The following PCDH17 variants were observed in gnomAD, a reference collection of about 807,000 sequenced individuals.
PCDH17 encodes the protein protocadherin 17.
In PCDH17, 21 loss-of-function variants were observed where a neutral mutation model predicts 67.7. The observed-to-expected ratio is 0.31, with a 90% confidence interval of 0.22 to 0.45. The LOEUF (loss-of-function observed/expected upper bound fraction) is 0.45, where lower values mean the gene tolerates loss of function less well. Among genes scored for constraint, PCDH17 ranks in the 20% least tolerant of loss-of-function variants. The pLI is 1.00. For missense variants in PCDH17, 1,471 were observed against 1,564.8 expected (o/e 0.94, Z 1.01); for synonymous variants, 701 against 656.7 (o/e 1.07, Z -1.03).
intron 3 of PCDH17, among the ~76,000 whole-genome samples, chr13:57,716,860 C>T (rs1955821240): frequency 6.6e-6 from 1 of 151,834 alleles, no homozygotes; most frequent in African/African-American, 2.4e-5. Context: ...ACTTTCAATT[C>T]CTAGGCAAGG....
At chr13:57,646,923 C>T (rs1450265116) in intron 1 of PCDH17, among the ~76,000 whole-genome samples, 2 of 151,864 alleles carry the variant, frequency 1.3e-5, no homozygotes, top group Admixed American at 1.3e-4. Context: ...AGGGGGATGT[C>T]AAAATAAGTC....
intron 3 of PCDH17, among the ~76,000 whole-genome samples, chr13:57,719,707 A>G (rs774690652): frequency 2.0e-5 from 3 of 152,130 alleles, no homozygotes; most frequent in South Asian, 2.1e-4. Flanking sequence ...GCAAAACAGA[A>G]TAGAATAAAG....
intron 1 of PCDH17, among the ~76,000 whole-genome samples, chr13:57,648,279 C>A (rs1379661596): frequency 1.3e-5 from 2 of 151,758 alleles, no homozygotes; most frequent in Non-Finnish European, 2.9e-5. Flanking sequence ...AACCTATTAT[C>A]TTTTTAGAGC....
At chr13:57,664,077 T>A (rs967221830) in intron 1 of PCDH17, among the ~76,000 whole-genome samples, 7 of 152,050 alleles carry the variant, frequency 4.6e-5, no homozygotes, top group African/African-American at 1.7e-4. Context: ...ATTTTATTAC[T>A]ATTTTTATCA....
intron 3 of PCDH17, among the ~76,000 whole-genome samples, chr13:57,722,720 A>G (rs991263475): frequency 6.6e-6 from 1 of 152,164 alleles, no homozygotes; most frequent in Non-Finnish European, 1.5e-5. Flanking sequence ...GGCTCAAGCC[A>G]TCTTCCTTCC....
At chr13:57,645,650 G>GC (rs746293470) in intron 1 of PCDH17, among the ~76,000 whole-genome samples, 3 of 150,932 alleles carry the variant, frequency 2.0e-5, no homozygotes, top group Non-Finnish European at 4.4e-5. Flanking sequence ...ACAATTATGA[G>GC]CATCAAGCTC....
chr13:57,636,743 A>G (rs1471791374), intron 1 of PCDH17, among the ~76,000 whole-genome samples: 1 of 152,330 alleles, frequency 6.6e-6, no homozygotes, highest in African/African-American at 2.4e-5. Context: ...ATTAAAACAC[A>G]TATTTAAAGA....
chr13:57,632,867 G>C lies in PCDH17; in HGVS notation c.321G>C (p.Glu107Asp). 6.2e-7 allele frequency: 1 copy of C among 1,614,022 alleles called. No individual in the cohort carries two copies. Among genetic ancestry groups the C allele is most frequent in the Non-Finnish European group, 8.5e-7 (1 of 1,180,030 alleles). ...RHNAKCQLSL[E>D]VFANDKEICM... ...ATGCCAAGTGCCAGCTGTCCCTCGAGGTGTTCGCCAACGACAAGGAGATCT... is the reference window on the plus strand; with the variant it reads ...ATGCCAAGTGCCAGCTGTCCCTCGACGTGTTCGCCAACGACAAGGAGATCT... Residue 107 changes from glutamate (E) to aspartate (D), a missense_variant, in exon 1 of 4, where the codon GAG becomes GAC. Coordinates refer to ENST00000377918, the MANE Select transcript of PCDH17 (RefSeq NM_001040429.3).
At chr13:57,636,602 T>C (rs1954826444) in intron 1 of PCDH17, among the ~76,000 whole-genome samples, 1 of 152,160 alleles carries the variant, frequency 6.6e-6, no homozygotes, top group Non-Finnish European at 1.5e-5. Flanking sequence ...TCAGTAATCA[T>C]AATTTTTTAA....
At chr13:57,667,217 A>G (rs1955265939) in intron 3 of PCDH17, among the ~76,000 whole-genome samples, 1 of 152,162 alleles carries the variant, frequency 6.6e-6, no homozygotes, top group African/African-American at 2.4e-5. Context: ...TTTTAGATAA[A>G]ATGAAATCAT....
At chr13:57,653,599 G>A (rs1955067698) in intron 1 of PCDH17, among the ~76,000 whole-genome samples, 2 of 152,112 alleles carry the variant, frequency 1.3e-5, no homozygotes, top group African/African-American at 4.8e-5. Context: ...ACCTATAGAA[G>A]TGAGGTTAAA....
rs778754016 is a variant in PCDH17 at position 57,725,262 on chromosome 13, C to T, written c.3448C>T (p.Arg1150Trp). The stretch of plus-strand genomic sequence containing the variant: ...AATTGATAAGCTTTTGCAAGACTGC[C>T]GGGGAAACGACCCTGTGGCTGTGAG... ...REIDKLLQDC[R>W]GNDPVAVRK The change falls in exon 4 of 4, where the codon CGG (arginine) becomes TGG (tryptophan). Residue 1150 changes from arginine to tryptophan, a missense_variant. Around this residue, in one of 3 missense-constraint regions of PCDH17, gnomAD observed 297 missense variants for 298.6 expected, o/e 0.99. Transcript: ENST00000377918. 12 of 1,609,030 alleles carry T rather than the reference C, an allele frequency of 7.5e-6. No homozygotes were observed. Among genetic ancestry groups the T allele is most frequent in the African/African-American group, 1.4e-5 (1 of 73,976 alleles).
In PCDH17 at chr13:57,634,709, G is replaced by C; in HGVS notation, c.2163G>C (p.Ala721=). ...TLSTISIILL[A]AMITIAVKCK... is the part of the protein sequence containing the mutation. ...GCACTATCTCCATCATCCTCCTAGC[G>C]GCCATGATCACCATCGCCGTCAAGT... is the stretch of plus-strand genomic sequence containing the variant. The change falls in exon 1 of 4, where the codon GCG becomes GCC. Residue 721 remains alanine (A), a synonymous_variant. Transcript: ENST00000377918. The surrounding 1 kb of genome is among the most constrained non-coding windows in gnomAD (Gnocchi z 7.8). 6.2e-7 allele frequency: 1 copy of C among 1,613,844 alleles called. No individual in the cohort carries two copies. The highest frequency in any genetic ancestry group is 8.5e-7 in the Non-Finnish European group (1 of 1,180,012).
In PCDH17 at chr13:57,632,572, T is replaced by G. The variant is rs1954740552; in HGVS notation, c.26T>G (p.Phe9Cys). The change falls in exon 1 of 4, where the codon TTT (phenylalanine) becomes TGT (cysteine). Residue 9 changes from phenylalanine to cysteine, a missense_variant. Phe to Cys is a radical substitution (Grantham distance 205, BLOSUM62 -2). Coordinates refer to ENST00000377918, the MANE Select transcript of PCDH17 (RefSeq NM_001040429.3). MYLSICCCFLLWAPALTLK... is the reference protein window; with the variant it reads MYLSICCCCLLWAPALTLK... ...ATGTACCTTTCCATCTGTTGCTGCTTTCTTCTATGGGCCCCTGCCCTCACT... is the reference window on the plus strand; with the variant it reads ...ATGTACCTTTCCATCTGTTGCTGCTGTCTTCTATGGGCCCCTGCCCTCACT... 1 of 1,613,836 alleles carries G rather than the reference T, an allele frequency of 6.2e-7. No homozygotes were observed. Among genetic ancestry groups the G allele is most frequent in the Non-Finnish European group, 8.5e-7 (1 of 1,179,872 alleles).
intron 3 of PCDH17, among the ~76,000 whole-genome samples, chr13:57,678,827 C>T (rs1955420395): frequency 6.6e-6 from 1 of 151,442 alleles, no homozygotes; most frequent in Non-Finnish European, 1.5e-5. Flanking sequence ...TTTTTCTTTA[C>T]TTTTCCGTCT....
chr13:57,665,280 A>G (rs1955236974), intron 1 of PCDH17, among the ~76,000 whole-genome samples: 4 of 152,038 alleles, frequency 2.6e-5, no homozygotes, highest in Admixed American at 2.6e-4. Flanking sequence ...AATACTTTAT[A>G]TTACTTATCA....
chr13:57,639,080 A>G (rs1954859849), intron 1 of PCDH17, among the ~76,000 whole-genome samples: 1 of 152,050 alleles, frequency 6.6e-6, no homozygotes, highest in African/African-American at 2.4e-5. Flanking sequence ...TAAACTATAT[A>G]TACATCTCTA....
intron 3 of PCDH17, among the ~76,000 whole-genome samples, chr13:57,704,951 G>A (rs574250803): frequency 1.3e-5 from 2 of 151,968 alleles, no homozygotes; most frequent in Middle Eastern, 3.4e-3. Context: ...TGTATATTAT[G>A]TATATGTATA....
intron 1 of PCDH17, among the ~76,000 whole-genome samples, chr13:57,638,229 A>T (rs1490927772): frequency 6.6e-6 from 1 of 152,082 alleles, no homozygotes; most frequent in Non-Finnish European, 1.5e-5. Context: ...ATTCCTGTGA[A>T]TTATTTTATG....
Sources: gnomAD v4.1 joint callset for allele counts (sites outside exome capture counted in the v4.1 genomes callset) on GRCh38, gnomAD v4.1.1 for gene constraint, gnomAD v4.1.1 regional missense constraint, Gnocchi (gnomAD v3.1) non-coding constraint, MANE v1.5 for transcripts, NCBI Gene and HGNC (gene_info 2026-07-23, HGNC 2026-07-21) for gene names.